Variants in WWOX observed in about 807,000 individuals in gnomAD.
WWOX encodes WW domain containing oxidoreductase.
In WWOX, 69 loss-of-function variants were observed where a neutral mutation model predicts 46.2. The observed-to-expected ratio is 1.49, with a 90% confidence interval of 1.23 to 1.82. The LOEUF is 1.82. Ranked by LOEUF, WWOX falls within the 40% of genes most tolerant of loss-of-function variation. The pLI, the probability that WWOX is intolerant of heterozygous loss-of-function variation, is 0.00. For missense variants in WWOX, 919 were observed against 542.6 expected, an observed-to-expected ratio of 1.69 and a Z score of -6.89; for synonymous variants, 359 against 202.6, an observed-to-expected ratio of 1.77 and a Z score of -6.56.
intron 8 of WWOX, among the ~76,000 whole-genome samples, chr16:78,816,528 T>C (rs2051334908): frequency 6.9e-6 from 1 of 144,890 alleles, no homozygotes. Flanking sequence ...TTTTTTTTTT[T>C]TTTTGATACA....
chr16:79,002,750 G>T (rs1280104635), intron 8 of WWOX, among the ~76,000 whole-genome samples: 1 of 152,046 alleles, frequency 6.6e-6, no homozygotes, highest in Non-Finnish European at 1.5e-5. Context: ...TTTCACCCGG[G>T]TTCTCCCTGT....
At chr16:78,563,142 G>A (rs2044479110) in intron 8 of WWOX, among the ~76,000 whole-genome samples, 1 of 152,144 alleles carries the variant, frequency 6.6e-6, no homozygotes, top group African/African-American at 2.4e-5. Flanking sequence ...CAAGAGCAGT[G>A]CGATTTCTCC....
intron 5 of WWOX, among the ~76,000 whole-genome samples, chr16:78,186,536 G>C (rs2035709888): frequency 6.6e-6 from 1 of 152,234 alleles, no homozygotes; most frequent in Non-Finnish European, 1.5e-5. Flanking sequence ...GGCTGAGGCA[G>C]GTGGATCACT....
intron 8 of WWOX, among the ~76,000 whole-genome samples, chr16:78,923,823 G>C (rs111251366): frequency 8.5e-6 from 1 of 118,308 alleles, no homozygotes; most frequent in African/African-American, 3.5e-5. Flanking sequence ...TTTTTCAGAC[G>C]GAGTCTTGCT....
intron 8 of WWOX, among the ~76,000 whole-genome samples, chr16:78,930,509 T>C (rs2045601133): frequency 6.7e-6 from 1 of 149,190 alleles, no homozygotes; most frequent in African/African-American, 2.5e-5. Context: ...CAGGCTGGTC[T>C]TGAACTCCTA....
At chr16:79,034,873 C>T (rs914821592) in intron 8 of WWOX, among the ~76,000 whole-genome samples, 1 of 152,052 alleles carries the variant, frequency 6.6e-6, no homozygotes, top group Non-Finnish European at 1.5e-5. Flanking sequence ...TAAATTATTA[C>T]TTTAAAAATA....
At chr16:78,731,810 A>T (rs1236261786) in intron 8 of WWOX, among the ~76,000 whole-genome samples, 1 of 151,470 alleles carries the variant, frequency 6.6e-6, no homozygotes, top group Non-Finnish European at 1.5e-5. Flanking sequence ...ACTAAAGTCT[A>T]ATAGCACTCC....
chr16:79,086,746 G>A (rs984864341), intron 8 of WWOX, among the ~76,000 whole-genome samples: 1 of 152,176 alleles, frequency 6.6e-6, no homozygotes, highest in African/African-American at 2.4e-5. Flanking sequence ...AGCCAGGCAT[G>A]GTGCTGCATG....
chr16:78,233,662 G>T (rs953640833), intron 5 of WWOX, among the ~76,000 whole-genome samples: 3 of 151,862 alleles, frequency 2.0e-5, no homozygotes, highest in Non-Finnish European at 4.4e-5. Flanking sequence ...GAGTAGCTGG[G>T]ACTACAGGCG....
At chr16:78,888,028 G>A (rs376691506) in intron 8 of WWOX, among the ~76,000 whole-genome samples, 119 of 152,308 alleles carry the variant, frequency 7.8e-4, no homozygotes, top group South Asian at 5.2e-3. Context: ...AGGTGCATTA[G>A]AATATAACTG....
chr16:78,784,993 C>T (rs895057165), intron 8 of WWOX, among the ~76,000 whole-genome samples: 2 of 152,116 alleles, frequency 1.3e-5, no homozygotes, highest in African/African-American at 4.8e-5. Flanking sequence ...GCCAGAGGAA[C>T]ATGAAACCAG....
intron 5 of WWOX, among the ~76,000 whole-genome samples, chr16:78,171,983 T>C (rs142544827): frequency 2.0e-5 from 3 of 152,346 alleles, no homozygotes; most frequent in African/African-American, 7.2e-5. Flanking sequence ...ATTTATATTA[T>C]GTGTGAAACC....
At chr16:78,832,382 C>T (rs1325748023) in intron 8 of WWOX, among the ~76,000 whole-genome samples, 1 of 152,150 alleles carries the variant, frequency 6.6e-6, no homozygotes, top group Non-Finnish European at 1.5e-5. Context: ...AGACATCATG[C>T]ACTGTCAAGC....
intron 8 of WWOX, among the ~76,000 whole-genome samples, chr16:78,531,028 A>C (rs2043608707): frequency 1.3e-5 from 2 of 152,184 alleles, no homozygotes; most frequent in Admixed American, 1.3e-4. Flanking sequence ...GGTCTTTATC[A>C]CTTCTCCATT....
At chr16:78,992,846 C>A (rs987538366) in intron 8 of WWOX, among the ~76,000 whole-genome samples, 9 of 152,110 alleles carry the variant, frequency 5.9e-5, no homozygotes, top group Admixed American at 2.6e-4. Context: ...TCTCCCCAAA[C>A]CTTCTAAGTA....
chr16:79,078,641 A>T lies in WWOX; in HGVS notation c.1057-132967A>T, dbSNP rs867139248. The stretch of plus-strand genomic sequence containing the variant: ...GTTCCTGGCCTTGAGTAAAAACTTC[A>T]TAAGCACTTGTTGAATTGAACTGAA... On this transcript the variant is annotated intron_variant, in intron 8 of 8. Coordinates refer to ENST00000566780, the MANE Select transcript of WWOX (RefSeq NM_016373.4). Among the ~76,000 whole-genome samples the T allele has an allele frequency of 4.6e-5, 7 of 152,346 alleles. 1 individual carries two copies. The South Asian group carries it at 1.5e-3, about 32-fold the overall frequency.
At chr16:78,821,854 C>T (rs1356210586) in intron 8 of WWOX, among the ~76,000 whole-genome samples, 1 of 152,166 alleles carries the variant, frequency 6.6e-6, no homozygotes, top group Non-Finnish European at 1.5e-5. Flanking sequence ...CAATTCTCAT[C>T]TCCAATTCCC....
At chr16:78,649,878 G>C (rs116200514) in intron 8 of WWOX, among the ~76,000 whole-genome samples, 2,103 of 152,302 alleles carry the variant, frequency 0.014, 44 homozygotes, top group African/African-American at 0.048. Context: ...TATGGTATAA[G>C]GCACAGTAGT....
chr16:78,610,871 G>A (rs542817851), intron 8 of WWOX, among the ~76,000 whole-genome samples: 8 of 152,142 alleles, frequency 5.3e-5, no homozygotes, highest in African/African-American at 1.7e-4. Context: ...GTAGAACAAC[G>A]TATTCTTGCA....
Sources: gnomAD v4.1 joint callset for allele counts (sites outside exome capture counted in the v4.1 genomes callset) on GRCh38, gnomAD v4.1.1 for gene constraint, MANE v1.5 for transcripts, NCBI Gene and HGNC (gene_info 2026-07-23, HGNC 2026-07-21) for gene names.